Variants in SCHIP1 observed in about 807,000 individuals in gnomAD.
The protein encoded by SCHIP1 is schwannomin-interacting protein 1.
In SCHIP1, 8 loss-of-function variants were observed where a neutral mutation model predicts 29.7. That is an observed-to-expected ratio of 0.27 (90% CI 0.16 to 0.49). The LOEUF (loss-of-function observed/expected upper bound fraction) is 0.49, where lower values mean the gene tolerates loss of function less well. Ranked by LOEUF, SCHIP1 falls within the 20% of genes least tolerant of loss-of-function variation. The pLI is 0.99. For synonymous variants in SCHIP1, 76 were observed against 94.9 expected (o/e 0.80, Z 1.16); for missense variants, 193 against 294.6 (o/e 0.66, Z 2.52).
At chr3:159,736,181 G>C in the SCHIP1 span, among the ~76,000 whole-genome samples, 73 of 152,296 alleles carry the variant, frequency 4.8e-4, no homozygotes, top group Non-Finnish European at 7.5e-4. Flanking sequence ...AAAAATGTAA[G>C]TTATGTTTCT....
the SCHIP1 span, among the ~76,000 whole-genome samples, chr3:159,281,027 G>T: frequency 1.3e-5 from 2 of 152,162 alleles, no homozygotes; most frequent in Non-Finnish European, 2.9e-5. Context: ...GGGCAATCGT[G>T]GCTGTGGAGG....
At chr3:159,431,794 C>G in the SCHIP1 span, among the ~76,000 whole-genome samples, 3 of 137,906 alleles carry the variant, frequency 2.2e-5, no homozygotes, top group Admixed American at 1.5e-4. Flanking sequence ...GATGACAGAG[C>G]AAGATTCCAT....
the SCHIP1 span, among the ~76,000 whole-genome samples, chr3:159,762,823 T>G: frequency 6.6e-6 from 1 of 152,204 alleles, no homozygotes. Flanking sequence ...AACGCCAGCA[T>G]AGGTTTGACT....
chr3:159,771,141 C>T, the SCHIP1 span, among the ~76,000 whole-genome samples: 1 of 152,074 alleles, frequency 6.6e-6, no homozygotes, highest in Non-Finnish European at 1.5e-5. Context: ...ACATTTCTTC[C>T]TAGAATGGTA....
chr3:159,674,880 G>C, the SCHIP1 span, among the ~76,000 whole-genome samples: 1 of 152,158 alleles, frequency 6.6e-6, no homozygotes, highest in Non-Finnish European at 1.5e-5. Context: ...AGGGAGAGAT[G>C]GTGAAGAGCC....
At chr3:159,775,423 C>T in the SCHIP1 span, among the ~76,000 whole-genome samples, 2 of 152,192 alleles carry the variant, frequency 1.3e-5, no homozygotes. Context: ...CTGTCTGTGC[C>T]TCCCTGGGCA....
chr3:159,621,633 G>A, the SCHIP1 span, among the ~76,000 whole-genome samples: 1 of 151,648 alleles, frequency 6.6e-6, no homozygotes, highest in Admixed American at 6.6e-5. Flanking sequence ...GGGTGTGCAT[G>A]TGTGTGTGGT....
At chr3:159,711,165 A>T in the SCHIP1 span, among the ~76,000 whole-genome samples, 1 of 152,008 alleles carries the variant, frequency 6.6e-6, no homozygotes, top group Non-Finnish European at 1.5e-5. Flanking sequence ...GACATTTCGG[A>T]GTATGTTCAA....
At chr3:159,433,995 GT>G in the SCHIP1 span, among the ~76,000 whole-genome samples, 2 of 152,130 alleles carry the variant, frequency 1.3e-5, no homozygotes, top group African/African-American at 4.8e-5. Context: ...TATCATAATT[GT>G]GGTCCACATC....
chr3:159,376,625 G>A, the SCHIP1 span, among the ~76,000 whole-genome samples: 78 of 152,194 alleles, frequency 5.1e-4, no homozygotes, highest in Non-Finnish European at 1.0e-3. Flanking sequence ...AGTATCACCT[G>A]AATGGGCACC....
chr3:159,535,481 T>G, the SCHIP1 span, among the ~76,000 whole-genome samples: 2 of 152,204 alleles, frequency 1.3e-5, no homozygotes, highest in African/African-American at 4.8e-5. Flanking sequence ...TTCCTCCTGG[T>G]TCTGCTCAAA....
the SCHIP1 span, among the ~76,000 whole-genome samples, chr3:159,385,435 T>C: frequency 6.6e-6 from 1 of 152,094 alleles, no homozygotes; most frequent in African/African-American, 2.4e-5. Flanking sequence ...CGTATGCCTA[T>C]AGTTCTAGCT....
At chr3:159,658,072 C>T in the SCHIP1 span, among the ~76,000 whole-genome samples, 3 of 152,170 alleles carry the variant, frequency 2.0e-5, no homozygotes, top group African/African-American at 2.4e-5. Context: ...CAGAAAATTG[C>T]CTGTGCATAT....
rs559923959 is a variant in SCHIP1, at chr3:159,868,211, G to A, written c.149+1930G>A. Among the ~76,000 whole-genome samples, 17 of 151,442 alleles carry A rather than the reference G, an allele frequency of 1.1e-4. No homozygotes were observed. The East Asian group carries it at 3.1e-3, about 28-fold the overall frequency. On this transcript the variant is annotated intron_variant, in intron 2 of 6. Transcript: ENST00000445224. ...TATATGTGTCTTTGTGTGTGTGTGT[G>A]TATATGTATACTCCAGATATATTTA...
At chr3:159,831,688 T>G in the SCHIP1 span, among the ~76,000 whole-genome samples, 1 of 152,146 alleles carries the variant, frequency 6.6e-6, no homozygotes, top group Non-Finnish European at 1.5e-5. Flanking sequence ...TAGTGACTCC[T>G]GGGTGTAGAG....
At chr3:159,277,908 C>T in the SCHIP1 span, among the ~76,000 whole-genome samples, 9 of 150,892 alleles carry the variant, frequency 6.0e-5, no homozygotes, top group South Asian at 8.4e-4. Context: ...AGCAAAACTC[C>T]GTCTCAAAAG....
At chr3:159,408,444 G>C in the SCHIP1 span, among the ~76,000 whole-genome samples, 1 of 150,536 alleles carries the variant, frequency 6.6e-6, no homozygotes, top group South Asian at 2.1e-4. Context: ...GAGAAAGAGA[G>C]AAGATCCAAA....
chr3:159,364,459 CT>C, the SCHIP1 span, among the ~76,000 whole-genome samples: 3 of 152,102 alleles, frequency 2.0e-5, no homozygotes, highest in Non-Finnish European at 4.4e-5. Flanking sequence ...TTTGTTTCTG[CT>C]TCTTGCATGT....
chr3:159,417,552 T>C, the SCHIP1 span, among the ~76,000 whole-genome samples: 4 of 152,194 alleles, frequency 2.6e-5, no homozygotes, highest in African/African-American at 4.8e-5. Context: ...AAACATTTTC[T>C]AGATATATGT....
Sources: allele counts gnomAD v4.1 joint callset (sites outside exome capture counted in the v4.1 genomes callset), GRCh38; gene constraint gnomAD v4.1.1; transcripts MANE v1.5; gene names NCBI Gene and HGNC (gene_info 2026-07-23, HGNC 2026-07-21).